Variants in ACACA observed in about 807,000 individuals in gnomAD.
ACACA encodes acetyl-CoA carboxylase 1.
ACACA carries 103 observed loss-of-function variants against 296.1 expected under a neutral mutation model. The observed-to-expected ratio is 0.35, with a 90% confidence interval of 0.30 to 0.41. The LOEUF (loss-of-function observed/expected upper bound fraction) is 0.41, where lower values mean the gene tolerates loss of function less well. Ranked by LOEUF, ACACA falls within the 10% of genes least tolerant of loss-of-function variation. The pLI is 1.00. For missense variants in ACACA, 1,554 were observed against 2,989.7 expected (o/e 0.52, Z 11.20); for synonymous variants, 953 against 1,038.6 (o/e 0.92, Z 1.58).
At chr17:37,099,525 A>ATGG (rs1567656891) in intron 52 of ACACA, among the ~76,000 whole-genome samples, 7 of 141,140 alleles carry the variant, frequency 5.0e-5, no homozygotes, top group African/African-American at 8.2e-5. Flanking sequence ...AGGAGGGCTG[A>ATGG]TGGGAGGAGG....
chr17:37,302,971 T>A (rs2083701744), intron 3 of ACACA, among the ~76,000 whole-genome samples: 1 of 152,198 alleles, frequency 6.6e-6, no homozygotes, highest in South Asian at 2.1e-4. Flanking sequence ...TATGTGTCAT[T>A]TTTTTAAAGA....
intron 1 of ACACA, among the ~76,000 whole-genome samples, chr17:37,382,924 C>T (rs896371272): frequency 2.6e-5 from 4 of 152,032 alleles, no homozygotes; most frequent in Non-Finnish European, 4.4e-5. Flanking sequence ...GTAGTCCCAG[C>T]TACTCGGGAG....
chr17:37,141,145 A>T (rs1248105346), intron 45 of ACACA: 2 of 501,412 alleles, frequency 4.0e-6, no homozygotes, highest in Non-Finnish European at 7.7e-6. Flanking sequence ...CTGCTTCTGC[A>T]CTGGCATAAT....
chr17:37,343,983 G>A (rs1334793070), intron 1 of ACACA, among the ~76,000 whole-genome samples: 12 of 151,290 alleles, frequency 7.9e-5, no homozygotes, highest in Admixed American at 7.9e-4. Context: ...ATTATTCAAA[G>A]ATAAATAAGA....
chr17:37,381,688 T>C (rs995778833), intron 1 of ACACA, among the ~76,000 whole-genome samples: 96 of 147,646 alleles, frequency 6.5e-4, no homozygotes, highest in East Asian at 1.6e-3. Flanking sequence ...AGTGCAGTGG[T>C]GCGATCTCAG....
intron 1 of ACACA, among the ~76,000 whole-genome samples, chr17:37,383,775 C>G (rs1331178263): frequency 6.6e-6 from 1 of 152,186 alleles, no homozygotes; most frequent in South Asian, 2.1e-4. Context: ...AGCTCCTGTC[C>G]TCAAGTGAGA....
At chr17:37,383,767 C>T (rs185210128) in intron 1 of ACACA, among the ~76,000 whole-genome samples, 112 of 152,282 alleles carry the variant, frequency 7.4e-4, no homozygotes, top group African/African-American at 2.6e-3. Flanking sequence ...TGGTCTCAAG[C>T]TCCTGTCCTC....
chr17:37,398,272 G>T (rs1597803950), intron 1 of ACACA, among the ~76,000 whole-genome samples: 1 of 131,166 alleles, frequency 7.6e-6, no homozygotes, highest in Non-Finnish European at 1.6e-5. Flanking sequence ...TCTAGCTGTT[G>T]TGGTATCACT....
At chr17:37,336,973 C>T (rs777288638) in intron 2 of ACACA, among the ~76,000 whole-genome samples, 1 of 152,074 alleles carries the variant, frequency 6.6e-6, no homozygotes, top group Admixed American at 6.6e-5. Flanking sequence ...TTTATAAATG[C>T]TAGAGTAGTG....
intron 2 of ACACA, among the ~76,000 whole-genome samples, chr17:37,336,576 A>T (rs2048128815): frequency 6.6e-6 from 1 of 152,188 alleles, no homozygotes; most frequent in Non-Finnish European, 1.5e-5. Context: ...AGGGACAATG[A>T]TCGGGATATA....
intron 3 of ACACA, among the ~76,000 whole-genome samples, chr17:37,302,298 C>T (rs935934330): frequency 6.6e-6 from 1 of 151,988 alleles, no homozygotes; most frequent in African/African-American, 2.4e-5. Flanking sequence ...CAACCTCCAC[C>T]TCCCGGGTTC....
chr17:37,310,811 A>AAAAAAG (rs1555639630), intron 3 of ACACA, among the ~76,000 whole-genome samples: 27 of 149,372 alleles, frequency 1.8e-4, no homozygotes, highest in African/African-American at 6.4e-4. Context: ...AAAAAAAAAA[A>AAAAAAG]AAAGAAAGAA....
chr17:37,394,462 C>T (rs889280884), intron 1 of ACACA, among the ~76,000 whole-genome samples: 4 of 151,824 alleles, frequency 2.6e-5, no homozygotes, highest in African/African-American at 9.7e-5. Flanking sequence ...CCACCCGCGT[C>T]GGCCTCACAA....
chr17:37,391,861 G>T, intron 1 of ACACA: 1 of 798,856 alleles, frequency 1.3e-6, no homozygotes, highest in East Asian at 2.5e-5. Flanking sequence ...GGTTAATGAA[G>T]GGAGAGTGTG....
chr17:37,221,785 G>T lies in ACACA; in HGVS notation c.3622C>A (p.Leu1208Ile), dbSNP rs2079305512. 6.2e-7 allele frequency: 1 copy of T among 1,614,072 alleles called. No individual in the cohort carries two copies. Among genetic ancestry groups the T allele is most frequent in the Non-Finnish European group, 8.5e-7 (1 of 1,180,036 alleles). The change falls in exon 29 of 56, where the codon CTT (leucine) becomes ATT (isoleucine). Residue 1208 changes from leucine to isoleucine, a missense_variant. Around this residue, in one of 16 missense-constraint regions of ACACA, gnomAD observed 15 missense variants for 18.8 expected, o/e 0.80. Transcript: ENST00000616317. ...YELNSVQHRQLKDNTCVVEFQ... is the reference protein window; with the variant it reads ...YELNSVQHRQIKDNTCVVEFQ... ...TCCACCACACAGGTGTTGTCCTTAAGCTGGCGGTGTTGTACGCTGTTAAGT... is the reference window on the plus strand; with the variant it reads ...TCCACCACACAGGTGTTGTCCTTAATCTGGCGGTGTTGTACGCTGTTAAGT...
At chr17:37,219,723 A>G (rs2079195598) in intron 29 of ACACA, among the ~76,000 whole-genome samples, 1 of 148,490 alleles carries the variant, frequency 6.7e-6, no homozygotes, top group Admixed American at 6.7e-5. Context: ...TTTTTCATAT[A>G]TTATAATATA....
At chr17:37,391,878 G>A in intron 1 of ACACA, 1 of 716,454 alleles carries the variant, frequency 1.4e-6, no homozygotes, top group South Asian at 1.7e-5. Context: ...TGTGGGCTTA[G>A]CAGAGTTACC....
Position 37,226,417 on chromosome 17 carries a change from A to T in ACACA, c.3282T>A (p.Asp1094Glu). The change falls in exon 26 of 56, where the codon GAT (aspartate) becomes GAA (glutamate). Residue 1094 changes from aspartate to glutamate, a missense_variant. Physicochemically the swap from Asp to Glu is conservative, Grantham distance 45. Coordinates refer to ENST00000616317, the MANE Select transcript of ACACA (RefSeq NM_198834.3). ...GCTCTGTGAGAATATTCAGCAGCTCATCAGTGAGAGTAGGGTCCCGGCCAC... is the reference window on the plus strand; with the variant it reads ...GCTCTGTGAGAATATTCAGCAGCTCTTCAGTGAGAGTAGGGTCCCGGCCAC... ...QLCGRDPTLTDELLNILTELT... is the reference protein window; with the variant it reads ...QLCGRDPTLTEELLNILTELT... 1 of 1,614,178 alleles carries T rather than the reference A, an allele frequency of 6.2e-7. No homozygotes were observed. Among genetic ancestry groups the T allele is most frequent in the South Asian group, 1.1e-5 (1 of 91,080 alleles).
intron 54 of ACACA, among the ~76,000 whole-genome samples, chr17:37,091,646 CA>C (rs1255824830): frequency 6.6e-6 from 1 of 151,976 alleles, no homozygotes; most frequent in East Asian, 1.9e-4. Context: ...GTGGCATGAT[CA>C]CAGCTCATTG....
Sources: gnomAD v4.1 joint callset for allele counts (sites outside exome capture counted in the v4.1 genomes callset) on GRCh38, gnomAD v4.1.1 for gene constraint, gnomAD v4.1.1 regional missense constraint, MANE v1.5 for transcripts, NCBI Gene and HGNC (gene_info 2026-07-23, HGNC 2026-07-21) for gene names.